Variants in RFC3 observed in about 807,000 individuals in gnomAD.
RFC3 encodes the protein A1 38 kDa subunit.
In RFC3, 41 loss-of-function variants were observed where a neutral mutation model predicts 45.1. The ratio of observed to expected loss-of-function variants is 0.91; its 90% CI spans 0.71 to 1.18. The LOEUF is 1.18. RFC3 is among the 50% of genes most tolerant of loss of function. The pLI, the probability that RFC3 is intolerant of heterozygous loss-of-function variation, is 0.00. For synonymous variants in RFC3, 149 were observed against 144.0 expected, an observed-to-expected ratio of 1.03 and a Z score of -0.25; for missense variants, 423 against 428.1, an observed-to-expected ratio of 0.99 and a Z score of 0.10.
At chr13:33,890,297 AT>A (rs1384299592) in intron 8 of RFC3, among the ~76,000 whole-genome samples, 1 of 152,174 alleles carries the variant, frequency 6.6e-6, no homozygotes, top group African/African-American at 2.4e-5. Flanking sequence ...CCAATTTTCC[AT>A]TTGTGCTGAT....
chr13:33,823,678 T>C (rs2082023848), intron 2 of RFC3, among the ~76,000 whole-genome samples: 1 of 152,220 alleles, frequency 6.6e-6, no homozygotes, highest in East Asian at 1.9e-4. Context: ...TGGGGATTTC[T>C]GGAGATAAGG....
chr13:33,874,875 A>G (rs925469692), intron 8 of RFC3, among the ~76,000 whole-genome samples: 5 of 152,168 alleles, frequency 3.3e-5, no homozygotes, highest in East Asian at 1.9e-4. Flanking sequence ...CCTTCCAACT[A>G]TTTCTCCTGC....
At chr13:33,966,192 A>C (rs963216179) in exon 9 of RFC3, 2 of 1,219,774 alleles carry the variant, frequency 1.6e-6, no homozygotes, top group South Asian at 2.4e-5. Context: ...AAGTTTTGCA[A>C]ATATAATCCA....
intron 8 of RFC3, chr13:33,846,636 A>G (rs1238588167): frequency 1.3e-5 from 2 of 152,274 alleles, no homozygotes; most frequent in African/African-American, 4.8e-5. Flanking sequence ...GGTCTTGTGT[A>G]TCCCAAGTTG....
chr13:33,867,411 A>G (rs1445953592), intron 8 of RFC3, among the ~76,000 whole-genome samples: 1 of 152,216 alleles, frequency 6.6e-6, no homozygotes, highest in Non-Finnish European at 1.5e-5. Context: ...TCAAGGAGAA[A>G]TGCTTCTTCC....
chr13:33,969,921 T>G (rs1034347930), downstream of RFC3, among the ~76,000 whole-genome samples: 1 of 152,118 alleles, frequency 6.6e-6, no homozygotes, highest in African/African-American at 2.4e-5. Flanking sequence ...TTTTTTTTTT[T>G]TTTGCCTTCA....
At chr13:33,934,916 A>T (rs1250830679) in intron 8 of RFC3, among the ~76,000 whole-genome samples, 1 of 152,096 alleles carries the variant, frequency 6.6e-6, no homozygotes, top group African/African-American at 2.4e-5. Flanking sequence ...ATCAGCCTGG[A>T]TGGCCGAATC....
chr13:33,883,268 A>G (rs1476778228), intron 8 of RFC3, among the ~76,000 whole-genome samples: 3 of 152,248 alleles, frequency 2.0e-5, no homozygotes, highest in Non-Finnish European at 4.4e-5. Context: ...AGTCCAATCC[A>G]GGAGAGAATA....
intron 8 of RFC3, among the ~76,000 whole-genome samples, chr13:33,948,526 C>T (rs925989360): frequency 6.6e-6 from 1 of 152,212 alleles, no homozygotes; most frequent in Admixed American, 6.5e-5. Flanking sequence ...GAGAAGAGGG[C>T]CACTGCCCTC....
intron 8 of RFC3, among the ~76,000 whole-genome samples, chr13:33,917,486 C>T (rs1370573376): frequency 1.3e-5 from 2 of 152,116 alleles, no homozygotes; most frequent in African/African-American, 4.8e-5. Flanking sequence ...AAGAGCCCTC[C>T]TGTTTCCTTA....
chr13:33,872,366 G>A (rs1475390729), intron 8 of RFC3, among the ~76,000 whole-genome samples: 1 of 151,894 alleles, frequency 6.6e-6, no homozygotes, highest in Admixed American at 6.6e-5. Flanking sequence ...ATTGAAAGAG[G>A]TAGTAAAAAT....
chr13:33,818,483 A>C (rs2081969292), intron 1 of RFC3, among the ~76,000 whole-genome samples: 1 of 152,272 alleles, frequency 6.6e-6, no homozygotes, highest in African/African-American at 2.4e-5. Context: ...CGAGACTTGA[A>C]GGAAATTGAA....
At chr13:33,847,819 A>G (rs747362057) in intron 8 of RFC3, 2 of 152,166 alleles carry the variant, frequency 1.3e-5, no homozygotes, top group African/African-American at 2.4e-5. Context: ...GTGAACTTTT[A>G]ATTGACCTCA....
intron 8 of RFC3, among the ~76,000 whole-genome samples, chr13:33,857,701 TA>T (rs1313805982): frequency 6.6e-6 from 1 of 152,240 alleles, no homozygotes; most frequent in Non-Finnish European, 1.5e-5. Context: ...TCAGAGTCCT[TA>T]ATTTCCTAAT....
chr13:33,932,799 A>G (rs897245015), intron 8 of RFC3, among the ~76,000 whole-genome samples: 2 of 152,180 alleles, frequency 1.3e-5, no homozygotes, highest in Non-Finnish European at 2.9e-5. Flanking sequence ...GTATATTGCC[A>G]TATAAGTTTT....
chr13:33,881,069 CA>C (rs1239505320), intron 8 of RFC3, among the ~76,000 whole-genome samples: 2 of 151,360 alleles, frequency 1.3e-5, no homozygotes, highest in Non-Finnish European at 2.9e-5. Flanking sequence ...AACAAACAAA[CA>C]AAAAAAGATG....
chr13:33,856,549 C>T (rs1203280149), intron 8 of RFC3, among the ~76,000 whole-genome samples: 2 of 152,094 alleles, frequency 1.3e-5, no homozygotes, highest in African/African-American at 4.8e-5. Flanking sequence ...TAAACGTATT[C>T]CTGGGAGAAT....
intron 2 of RFC3, among the ~76,000 whole-genome samples, chr13:33,822,531 AT>A (rs1403222663): frequency 6.6e-6 from 1 of 152,206 alleles, no homozygotes; most frequent in African/African-American, 2.4e-5. Flanking sequence ...ATAAAACAGT[AT>A]TATATTGGCA....
chr13:33,858,278 G>A (rs2082319818), intron 8 of RFC3, among the ~76,000 whole-genome samples: 1 of 152,128 alleles, frequency 6.6e-6, no homozygotes, highest in Non-Finnish European at 1.5e-5. Context: ...ACTGTAGCTT[G>A]AGAATACTTA....
Sources: allele counts gnomAD v4.1 joint callset (sites outside exome capture counted in the v4.1 genomes callset), GRCh38; gene constraint gnomAD v4.1.1; transcripts MANE v1.5; gene names NCBI Gene and HGNC (gene_info 2026-07-23, HGNC 2026-07-21).